Variants in WDFY4 observed in about 807,000 individuals in gnomAD.
The protein encoded by WDFY4 is WDFY family member 4.
Under a neutral mutation model 351.9 loss-of-function variants are expected in WDFY4, and 169 were observed. The observed-to-expected ratio is 0.48, with a 90% CI of 0.42 to 0.55. The LOEUF is 0.55. Ranked by LOEUF, WDFY4 falls within the 20% of genes least tolerant of loss-of-function variation. WDFY4 has a pLI of 0.00. For synonymous variants in WDFY4, 1,622 were observed against 1,574.6 expected, an observed-to-expected ratio of 1.03 and a Z score of -0.71; for missense variants, 3,803 against 3,935.6, an observed-to-expected ratio of 0.97 and a Z score of 0.90.
chr10:48,977,308 A>T (rs912016229), intron 59 of WDFY4, among the ~76,000 whole-genome samples: 6 of 152,170 alleles, frequency 3.9e-5, no homozygotes, highest in Non-Finnish European at 8.8e-5. Context: ...TGCGTCATCC[A>T]TTCAAACCAA....
chr10:48,851,150 G>T (rs1016127495), intron 39 of WDFY4, among the ~76,000 whole-genome samples: 2 of 152,218 alleles, frequency 1.3e-5, no homozygotes, highest in Non-Finnish European at 2.9e-5. Context: ...CTGAAATCCA[G>T]ACTTTGCCCC....
intron 41 of WDFY4, 37 bp downstream of exon 41, chr10:48,873,734 G>A: frequency 1.9e-6 from 3 of 1,546,032 alleles, no homozygotes; most frequent in Non-Finnish European, 2.6e-6. Flanking sequence ...GCTGGTTCCA[G>A]GTAGGGCCTG....
At chr10:48,908,006 G>C (rs1837709669) in intron 47 of WDFY4, among the ~76,000 whole-genome samples, 1 of 152,210 alleles carries the variant, frequency 6.6e-6, no homozygotes, top group African/African-American at 2.4e-5. Context: ...TGTGGGCCAT[G>C]AGCATCTGAT....
chr10:48,706,666 T>C (rs1160064746), intron 1 of WDFY4, among the ~76,000 whole-genome samples: 1 of 152,260 alleles, frequency 6.6e-6, no homozygotes, highest in Non-Finnish European at 1.5e-5. Flanking sequence ...TTTGGAAATA[T>C]GGATCAAGAG....
chr10:48,686,764 G>A (rs937613636), intron 1 of WDFY4, among the ~76,000 whole-genome samples: 1 of 152,096 alleles, frequency 6.6e-6, no homozygotes, highest in African/African-American at 2.4e-5. Context: ...TGCTGTTGAT[G>A]GCATTTTAGG....
chr10:48,921,845 A>G (rs1839110688), intron 47 of WDFY4, among the ~76,000 whole-genome samples: 1 of 152,244 alleles, frequency 6.6e-6, no homozygotes, highest in African/African-American at 2.4e-5. Flanking sequence ...TGCTGCAACT[A>G]GAGTTCTCAT....
intron 47 of WDFY4, among the ~76,000 whole-genome samples, chr10:48,921,396 G>GTTGAAATTGGTTATTTATA (rs1564489219): frequency 6.6e-6 from 1 of 152,150 alleles, no homozygotes; most frequent in Non-Finnish European, 1.5e-5. Flanking sequence ...AACAAACGAT[G>GTTGAAATTGGTTATTTATA]TTGAAATTGG....
intron 44 of WDFY4, among the ~76,000 whole-genome samples, chr10:48,896,168 C>T (rs1300572111): frequency 6.6e-6 from 1 of 152,232 alleles, no homozygotes; most frequent in East Asian, 1.9e-4. Context: ...CAGCTCAGGC[C>T]TGTGCCTTTG....
At chr10:48,852,913 T>C (rs2069006626) in intron 39 of WDFY4, among the ~76,000 whole-genome samples, 1 of 152,186 alleles carries the variant, frequency 6.6e-6, no homozygotes, top group South Asian at 2.1e-4. Context: ...GTATGCTCTG[T>C]CTTCATGTCC....
intron 39 of WDFY4, among the ~76,000 whole-genome samples, chr10:48,837,514 T>A (rs1355537051): frequency 2.0e-5 from 3 of 151,992 alleles, no homozygotes. Flanking sequence ...TGGGAGATAG[T>A]GGGGGCTGCA....
intron 49 of WDFY4, among the ~76,000 whole-genome samples, chr10:48,943,759 AT>A (rs1840905045): frequency 6.6e-6 from 1 of 151,882 alleles, no homozygotes; most frequent in African/African-American, 2.4e-5. Context: ...TGCCTGGCTA[AT>A]TTTTTTTGTA....
chr10:48,908,889 T>A (rs1380115041), intron 47 of WDFY4, among the ~76,000 whole-genome samples: 1 of 152,244 alleles, frequency 6.6e-6, no homozygotes, highest in Non-Finnish European at 1.5e-5. Context: ...ATCTCTGTGC[T>A]ACCACTTTAT....
Position 48,963,827 on chromosome 10 carries a change from G to T in WDFY4, c.8224-15G>T, listed in dbSNP as rs1339531906. 11 of 1,551,034 alleles carry T rather than the reference G, an allele frequency of 7.1e-6. No homozygotes were observed. Among genetic ancestry groups the T allele is most frequent in the African/African-American group, 1.4e-5 (1 of 72,982 alleles). On this transcript the variant is annotated splice_polypyrimidine_tract_variant and intron_variant, in intron 53 of 61. Transcript: ENST00000325239. ...AGTGGCCTGGGTTTTAATGCTCTTT[G>T]GGTTTTTGTTCCAGGCCCTGGAAAG...
rs557598753 is a variant in WDFY4 at position 48,743,330 on chromosome 10, C to A, written c.2241C>A (p.Gly747=). 1 of 1,551,616 alleles carries A rather than the reference C, an allele frequency of 6.4e-7. No individual in the cohort carries two copies. The highest frequency in any genetic ancestry group is 2.4e-5 in the East Asian group (1 of 40,922). The change falls in exon 12 of 62, where the codon GGC becomes GGA. Residue 747 remains glycine (G), a synonymous_variant. Coordinates refer to ENST00000325239, the MANE Select transcript of WDFY4 (RefSeq NM_001394531.1). ...CCAGGCCATTTGCAGATTTGCTGGG[C>A]ACTGCCTTTTCCTCCAGCGGCTCAC... ...TKARPFADLL[G]TAFSSSGSLP...
At position 48,901,855 on chromosome 10, in the gene WDFY4, C is replaced by T. The variant is rs1837369655; in HGVS notation, c.7578C>T (p.Leu2526=). Residue 2526 remains leucine, a synonymous_variant, in exon 47 of 62, where the codon CTC becomes CTT. Coordinates refer to ENST00000325239, the MANE Select transcript of WDFY4 (RefSeq NM_001394531.1). The stretch of plus-strand genomic sequence containing the variant: ...GGAAAGCCACCTCGGAGGACACCCT[C>T]AGTCTAAGGTAATGGCGGGTAGCCA... ...LKGKATSEDT[L]SLRRYPGSDR... 6.4e-7 allele frequency: 1 copy of T among 1,551,460 alleles called. No homozygotes were observed. Among genetic ancestry groups the T allele is most frequent in the Admixed American group, 2.0e-5 (1 of 50,988 alleles).
Position 48,812,484 on chromosome 10 carries a change from C to T in WDFY4, c.5214+776C>T, listed in dbSNP as rs1457693481. On this transcript the variant is annotated intron_variant, in intron 30 of 61. Transcript: ENST00000325239. Reference sequence around the variant, plus strand: ...GGATTACAGGCGTGACCCACCGCACCCGGCCCCCTTTCTTCCTTTTGTATT... The same window carrying T: ...GGATTACAGGCGTGACCCACCGCACTCGGCCCCCTTTCTTCCTTTTGTATT... Among the ~76,000 whole-genome samples, 4 of 152,140 alleles carry T rather than the reference C, an allele frequency of 2.6e-5. No individual in the cohort carries two copies. The East Asian group carries it at 7.7e-4, about 29-fold the overall frequency.
At chr10:48,839,851 G>A (rs760021053) in intron 39 of WDFY4, among the ~76,000 whole-genome samples, 13 of 152,230 alleles carry the variant, frequency 8.5e-5, no homozygotes, top group Non-Finnish European at 1.5e-4. Flanking sequence ...AGTATAAACT[G>A]CTCTACTGGC....
intron 1 of WDFY4, among the ~76,000 whole-genome samples, chr10:48,705,147 CA>C (rs1240447087): frequency 6.6e-6 from 1 of 152,194 alleles, no homozygotes; most frequent in Admixed American, 6.5e-5. Context: ...GTCTGTTTAA[CA>C]GGTTGATTTT....
intron 12 of WDFY4, among the ~76,000 whole-genome samples, chr10:48,748,673 A>G (rs2065085338): frequency 6.6e-6 from 1 of 152,200 alleles, no homozygotes; most frequent in African/African-American, 2.4e-5. Context: ...CCCATGTTTC[A>G]TAAATAGAGC....
Sources: allele counts gnomAD v4.1 joint callset (sites outside exome capture counted in the v4.1 genomes callset), GRCh38; gene constraint gnomAD v4.1.1; transcripts MANE v1.5; gene names NCBI Gene and HGNC (gene_info 2026-07-23, HGNC 2026-07-21).